The following FRMD4A variants were observed in gnomAD, a reference collection of about 807,000 sequenced individuals.
The protein encoded by FRMD4A is FERM domain-containing protein 4A.
In FRMD4A, 29 loss-of-function variants were observed where a neutral mutation model predicts 129.1. The ratio of observed to expected loss-of-function variants is 0.22; its 90% CI spans 0.17 to 0.31. FRMD4A has a LOEUF of 0.31. Ranked by LOEUF, FRMD4A falls within the 10% of genes least tolerant of loss-of-function variation. The pLI is 1.00. For synonymous variants in FRMD4A, 634 were observed against 571.6 expected, an observed-to-expected ratio of 1.11 and a Z score of -1.56; for missense variants, 1,272 against 1,375.8, an observed-to-expected ratio of 0.92 and a Z score of 1.19.
At chr10:14,175,901 G>T (rs896640983) in intron 2 of FRMD4A, among the ~76,000 whole-genome samples, 2 of 152,146 alleles carry the variant, frequency 1.3e-5, no homozygotes, top group African/African-American at 4.8e-5. Flanking sequence ...AACCAGACAT[G>T]TACATCCTTT....
intron 2 of FRMD4A, among the ~76,000 whole-genome samples, chr10:14,184,125 C>CTTTTTTTTTTTTTTTTTTTTTTTTT (rs58858936): frequency 4.6e-5 from 3 of 64,640 alleles, no homozygotes; most frequent in Non-Finnish European, 8.4e-5. Context: ...CTTTTCTTTT[C>CTTTTTTTTTTTTTTTTTTTTTTTTT]TTTTTTTTTT....
intron 2 of FRMD4A, among the ~76,000 whole-genome samples, chr10:14,135,092 A>T (rs1317567755): frequency 6.6e-6 from 1 of 152,238 alleles, no homozygotes; most frequent in Non-Finnish European, 1.5e-5. Flanking sequence ...TAAGAAAACA[A>T]GCATTCTGTC....
At chr10:14,079,140 C>G (rs12245472) in intron 2 of FRMD4A, among the ~76,000 whole-genome samples, 22,084 of 152,212 alleles carry the variant, frequency 0.15, 2,046 homozygotes, top group African/African-American at 0.25. Flanking sequence ...ATGTTAAATC[C>G]TCACATCAAC....
chr10:14,117,353 GAT>G (rs1838251460), intron 2 of FRMD4A, among the ~76,000 whole-genome samples: 1 of 152,166 alleles, frequency 6.6e-6, no homozygotes, highest in South Asian at 2.1e-4. Context: ...AAGGAGGATG[GAT>G]CTTTTTATAA....
At chr10:14,171,976 T>A (rs77407849) in intron 2 of FRMD4A, among the ~76,000 whole-genome samples, 1 of 152,190 alleles carries the variant, frequency 6.6e-6, no homozygotes, top group African/African-American at 2.4e-5. Context: ...AAATTAAAAA[T>A]ATCGCTGGGT....
intron 2 of FRMD4A, among the ~76,000 whole-genome samples, chr10:14,032,185 G>GA (rs972240445): frequency 1.5e-4 from 23 of 151,908 alleles, no homozygotes; most frequent in Non-Finnish European, 2.4e-4. Flanking sequence ...ACATATTATT[G>GA]AAAAAAATTA....
chr10:14,089,325 C>T (rs1275884465), intron 2 of FRMD4A, among the ~76,000 whole-genome samples: 3 of 152,072 alleles, frequency 2.0e-5, no homozygotes, highest in Non-Finnish European at 4.4e-5. Flanking sequence ...TCCTTGTTTC[C>T]CCCGCTGGGG....
chr10:13,703,780 G>A lies in FRMD4A; in HGVS notation c.837-2302C>T, dbSNP rs1218305447. Among the ~76,000 whole-genome samples, 4 of 152,208 alleles carry A rather than the reference G, an allele frequency of 2.6e-5. No individual in the cohort carries two copies. The East Asian group carries it at 5.8e-4, about 22-fold the overall frequency. ...ATAAAAATAGTAAACACTGAGGCGG[G>A]TGGATCACGAGGTCAAGAGATTGAG... On this transcript the variant is annotated intron_variant, in intron 13 of 24. Transcript: ENST00000357447.
At chr10:14,100,171 T>A (rs1312743481) in intron 2 of FRMD4A, among the ~76,000 whole-genome samples, 1 of 152,228 alleles carries the variant, frequency 6.6e-6, no homozygotes, top group Non-Finnish European at 1.5e-5. Flanking sequence ...CGATTTCCAG[T>A]GTCTCGATTC....
intron 2 of FRMD4A, among the ~76,000 whole-genome samples, chr10:14,303,623 C>T (rs748657824): frequency 3.2e-4 from 48 of 152,090 alleles, no homozygotes; most frequent in Non-Finnish European, 5.9e-4. Flanking sequence ...GTGCAGGACT[C>T]GGGAAGCAGG....
At chr10:13,884,144 T>TCACTCACACACACA (rs773933481) in intron 2 of FRMD4A, among the ~76,000 whole-genome samples, 1 of 105,098 alleles carries the variant, frequency 9.5e-6, no homozygotes, top group Admixed American at 9.2e-5. Flanking sequence ...TCACACACAC[T>TCACTCACACACACA]CTCACACACT....
chr10:13,689,160 C>T (rs987924214), intron 15 of FRMD4A, among the ~76,000 whole-genome samples: 5 of 131,852 alleles, frequency 3.8e-5, no homozygotes, highest in South Asian at 2.5e-4. Flanking sequence ...CATTTTACGT[C>T]TTTTTTTTAA....
At chr10:14,185,120 G>A (rs751108282) in intron 2 of FRMD4A, among the ~76,000 whole-genome samples, 17 of 152,144 alleles carry the variant, frequency 1.1e-4, no homozygotes, top group Admixed American at 8.5e-4. Context: ...CAATGTCTGT[G>A]TCTGAACAGG....
intron 6 of FRMD4A, among the ~76,000 whole-genome samples, chr10:13,768,902 A>C (rs1403870787): frequency 6.6e-6 from 1 of 151,994 alleles, no homozygotes; most frequent in Non-Finnish European, 1.5e-5. Flanking sequence ...ATTTCTGCTG[A>C]TGAGTATCTA....
intron 2 of FRMD4A, among the ~76,000 whole-genome samples, chr10:14,119,929 C>T (rs904142218): frequency 1.3e-5 from 2 of 151,478 alleles, no homozygotes; most frequent in Non-Finnish European, 2.9e-5. Flanking sequence ...TAATTTGAAG[C>T]AGCTTGCACC....
At chr10:13,989,426 G>A (rs1234964542) in intron 2 of FRMD4A, among the ~76,000 whole-genome samples, 2 of 152,178 alleles carry the variant, frequency 1.3e-5, no homozygotes, top group African/African-American at 4.8e-5. Context: ...CGCCATCTTG[G>A]CTCACTGCAA....
intron 2 of FRMD4A, among the ~76,000 whole-genome samples, chr10:13,914,396 C>T (rs2094976965): frequency 6.6e-6 from 1 of 152,138 alleles, no homozygotes; most frequent in Admixed American, 6.5e-5. Context: ...ACTACCAACA[C>T]TATGATAAAT....
intron 2 of FRMD4A, among the ~76,000 whole-genome samples, chr10:13,936,802 C>A (rs1288424527): frequency 6.6e-6 from 1 of 152,158 alleles, no homozygotes; most frequent in Non-Finnish European, 1.5e-5. Context: ...GCTTGGGTTG[C>A]TTTGTGTCTC....
intron 2 of FRMD4A, among the ~76,000 whole-genome samples, chr10:14,200,030 T>A (rs1169464429): frequency 2.4e-3 from 2 of 828 alleles, no homozygotes; most frequent in African/African-American, 3.8e-3. Context: ...TTTGTTTTGT[T>A]TTTTTTTTTT....
Sources: gnomAD v4.1 joint callset for allele counts (sites outside exome capture counted in the v4.1 genomes callset) on GRCh38, gnomAD v4.1.1 for gene constraint, MANE v1.5 for transcripts, NCBI Gene and HGNC (gene_info 2026-07-23, HGNC 2026-07-21) for gene names.